KCNN3: variants seen among roughly 807,000 people sequenced by gnomAD.
The protein encoded by KCNN3 is potassium calcium-activated channel subfamily N member 3, also known as small conductance calcium-activated potassium channel protein 3.
In KCNN3, 16 loss-of-function variants were observed where a neutral mutation model predicts 62.9. That is an observed-to-expected ratio of 0.25 (90% CI 0.17 to 0.39). The LOEUF (loss-of-function observed/expected upper bound fraction) is 0.39. Ranked by LOEUF, KCNN3 falls within the 10% of genes least tolerant of loss-of-function variation. KCNN3 has a pLI of 1.00. For missense variants in KCNN3, 599 were observed against 949.4 expected (o/e 0.63, Z 4.85); for synonymous variants, 370 against 389.2 (o/e 0.95, Z 0.58).
intron 2 of KCNN3, among the ~76,000 whole-genome samples, chr1:154,794,425 G>A (rs559923501): frequency 1.3e-5 from 2 of 152,290 alleles, no homozygotes; most frequent in East Asian, 1.9e-4. Flanking sequence ...ACTCTCTTTG[G>A]CTCTCCATGT....
intron 1 of KCNN3, among the ~76,000 whole-genome samples, chr1:154,849,271 G>C (rs1299173749): frequency 1.3e-5 from 2 of 152,220 alleles, no homozygotes; most frequent in Non-Finnish European, 2.9e-5. Context: ...ATGGAGACTA[G>C]CTCCACCTGT....
rs111293639 is a variant in KCNN3, at chr1:154,809,628, A to G, written c.1029+12461T>C. On this transcript the variant is annotated intron_variant, in intron 2 of 7. Transcript: ENST00000271915. This position sits in a 1 kb window ranked among gnomAD's most constrained non-coding sequence, Gnocchi z 4.3. ...ACATGTGGGAGGGCAGGAAGCTGGGAGGCCCCCAAATACATGTTGCTGAGT... is the reference window on the plus strand; with the variant it reads ...ACATGTGGGAGGGCAGGAAGCTGGGGGGCCCCCAAATACATGTTGCTGAGT... Among the ~76,000 whole-genome samples the G allele has an allele frequency of 1.2e-3, 187 of 152,324 alleles. 1 individual carries two copies. Among genetic ancestry groups the G allele is most frequent in the Middle Eastern group, 6.8e-3 (2 of 294 alleles).
chr1:154,703,436 C>A lies in KCNN3; in HGVS notation c.*4540G>T, dbSNP rs1196993823. 1 of 152,152 alleles carries A rather than the reference C, an allele frequency of 6.6e-6. No homozygotes were observed. The highest frequency in any genetic ancestry group is 1.5e-5 in the Non-Finnish European group (1 of 68,028). The allele number at this position is 152,152 out of a possible 1,614,324, so 9.4% of individuals were successfully genotyped here. On this transcript the variant is annotated 3_prime_UTR_variant, in exon 8 of 8. Coordinates refer to ENST00000271915, the MANE Select transcript of KCNN3 (RefSeq NM_002249.6). Reference sequence around the variant, plus strand: ...TCTAAGGTACTGAAATCAAACCCTGCAGAGTCAATAGGGATCCTTCATCTG... The same window carrying A: ...TCTAAGGTACTGAAATCAAACCCTGAAGAGTCAATAGGGATCCTTCATCTG...
At chr1:154,793,316 T>C (rs1031793606) in intron 2 of KCNN3, among the ~76,000 whole-genome samples, 8 of 152,136 alleles carry the variant, frequency 5.3e-5, no homozygotes, top group Admixed American at 1.3e-4. Context: ...GCCAGGAAGG[T>C]ACCCAAATGT....
At chr1:154,813,733 A>C (rs1650533746) in intron 2 of KCNN3, among the ~76,000 whole-genome samples, 1 of 152,196 alleles carries the variant, frequency 6.6e-6, no homozygotes, top group Non-Finnish European at 1.5e-5. Flanking sequence ...CAGTGAGAGC[A>C]TGATCCAGGA....
chr1:154,865,240 G>T (rs72993370), intron 1 of KCNN3, among the ~76,000 whole-genome samples: 4,348 of 152,180 alleles, frequency 0.029, 60 homozygotes, highest in African/African-American at 0.042. Context: ...GTCCTTGCTG[G>T]TCTACCCAGG....
At chr1:154,710,472 C>T (rs1263716365) in intron 7 of KCNN3, among the ~76,000 whole-genome samples, 1 of 152,218 alleles carries the variant, frequency 6.6e-6, no homozygotes, top group African/African-American at 2.4e-5. Flanking sequence ...TTTCCCTTAA[C>T]CCTTTCCTGC....
chr1:154,729,442 C>T (rs778589134), intron 4 of KCNN3, among the ~76,000 whole-genome samples: 6 of 152,052 alleles, frequency 3.9e-5, no homozygotes, highest in South Asian at 2.1e-4. Flanking sequence ...GGGGTGAACA[C>T]GCCTAACTCT....
At chr1:154,760,455 GAGCT>G (rs1267884266) in intron 3 of KCNN3, among the ~76,000 whole-genome samples, 1 of 151,788 alleles carries the variant, frequency 6.6e-6, no homozygotes, top group Admixed American at 6.6e-5. Flanking sequence ...CAGGAGCCAG[GAGCT>G]AGCAGCAGCC....
intron 3 of KCNN3, among the ~76,000 whole-genome samples, chr1:154,768,555 G>A (rs1271149702): frequency 6.6e-6 from 1 of 152,164 alleles, no homozygotes; most frequent in Non-Finnish European, 1.5e-5. Context: ...CAGGGACCCT[G>A]GAGCCTGGCT....
intron 3 of KCNN3, among the ~76,000 whole-genome samples, chr1:154,740,650 A>G (rs1359252926): frequency 6.6e-6 from 1 of 152,230 alleles, no homozygotes; most frequent in African/African-American, 2.4e-5. Context: ...CCTCATTAAC[A>G]CTTGCCATTG....
At chr1:154,713,586 G>A (rs949535913) in intron 6 of KCNN3, 53 bp from the exon 7 acceptor site, 7 of 1,456,922 alleles carry the variant, frequency 4.8e-6, no homozygotes, top group Non-Finnish European at 5.8e-6. Flanking sequence ...CAAAGGTTTA[G>A]CCCCACCAGC....
intron 1 of KCNN3, among the ~76,000 whole-genome samples, chr1:154,852,905 T>G (rs1182709837): frequency 6.6e-6 from 1 of 152,196 alleles, no homozygotes; most frequent in Non-Finnish European, 1.5e-5. Context: ...TTCCCCCAGG[T>G]GGCTGGATCC....
intron 5 of KCNN3, among the ~76,000 whole-genome samples, chr1:154,720,782 G>A (rs113430590): frequency 3.0e-4 from 46 of 152,222 alleles, no homozygotes; most frequent in Non-Finnish European, 4.7e-4. Flanking sequence ...AAGGGACGCC[G>A]AAGTGAGGAG....
At chr1:154,719,703 C>T (rs1700305767) in intron 5 of KCNN3, among the ~76,000 whole-genome samples, 1 of 152,112 alleles carries the variant, frequency 6.6e-6, no homozygotes. Flanking sequence ...GAGAAGGGGG[C>T]TGGTTCCTCT....
chr1:154,854,892 T>C (rs1435820403), intron 1 of KCNN3, among the ~76,000 whole-genome samples: 1 of 152,200 alleles, frequency 6.6e-6, no homozygotes, highest in Non-Finnish European at 1.5e-5. Flanking sequence ...AATGTGTTTG[T>C]GTTATTACAA....
chr1:154,846,396 G>A (rs374427842), intron 1 of KCNN3, among the ~76,000 whole-genome samples: 5 of 152,272 alleles, frequency 3.3e-5, no homozygotes, highest in Non-Finnish European at 7.4e-5. Context: ...TACAGCCCCC[G>A]AGGCTCCTTT....
intron 3 of KCNN3, among the ~76,000 whole-genome samples, chr1:154,756,785 A>C (rs1306214019): frequency 1.3e-5 from 2 of 152,096 alleles, no homozygotes; most frequent in Non-Finnish European, 2.9e-5. Context: ...GAAATTATCT[A>C]CTTTTTGTTT....
chr1:154,801,892 G>A (rs1307119558), intron 2 of KCNN3, among the ~76,000 whole-genome samples: 1 of 152,218 alleles, frequency 6.6e-6, no homozygotes, highest in Non-Finnish European at 1.5e-5. Flanking sequence ...GCTCTCAGCA[G>A]TCTGATGGGA....
Sources: allele counts gnomAD v4.1 joint callset (sites outside exome capture counted in the v4.1 genomes callset), GRCh38; gene constraint gnomAD v4.1.1; non-coding constraint Gnocchi (gnomAD v3.1); transcripts MANE v1.5; gene names NCBI Gene and HGNC (gene_info 2026-07-23, HGNC 2026-07-21).